The following ZFYVE9 variants were observed in gnomAD, a reference collection of about 807,000 sequenced individuals.
ZFYVE9 encodes the protein zinc finger FYVE-type containing 9.
A neutral mutation model predicts 126.7 loss-of-function variants in ZFYVE9; 43 were observed. The observed-to-expected ratio is 0.34, with a 90% CI of 0.27 to 0.44. The LOEUF is 0.44. Ranked by LOEUF, ZFYVE9 falls within the 20% of genes least tolerant of loss-of-function variation. The pLI, the probability that ZFYVE9 is intolerant of heterozygous loss-of-function variation, is 1.00. For synonymous variants in ZFYVE9, 521 were observed against 597.4 expected, an observed-to-expected ratio of 0.87 and a Z score of 1.87; for missense variants, 1,476 against 1,697.0, an observed-to-expected ratio of 0.87 and a Z score of 2.29.
At chr1:52,264,094 T>TAC in intron 5 of ZFYVE9, 1 of 292,766 alleles carries the variant, frequency 3.4e-6, no homozygotes, top group South Asian at 9.6e-5. Context: ...GCCAGGTAAG[T>TAC]TTTGCAGGAA....
chr1:52,158,885 C>T (rs1027248170), intron 1 of ZFYVE9, among the ~76,000 whole-genome samples: 8 of 151,984 alleles, frequency 5.3e-5, no homozygotes, highest in Non-Finnish European at 1.0e-4. Flanking sequence ...CTCCGCCTCC[C>T]AGGTTCACGC....
At chr1:52,295,129 AC>A (rs1178162758) in intron 11 of ZFYVE9, among the ~76,000 whole-genome samples, 1 of 151,294 alleles carries the variant, frequency 6.6e-6, no homozygotes, top group Non-Finnish European at 1.5e-5. Context: ...AATCGCTTGA[AC>A]CCTCCTAAGG....
At chr1:52,173,522 G>GA (rs1644592783) in intron 1 of ZFYVE9, among the ~76,000 whole-genome samples, 1 of 152,192 alleles carries the variant, frequency 6.6e-6, no homozygotes, top group South Asian at 2.1e-4. Context: ...CTCATAAAAT[G>GA]AGTTAGGGAG....
intron 1 of ZFYVE9, chr1:52,162,599 A>C (rs1464152429): frequency 3.9e-6 from 1 of 259,010 alleles, no homozygotes; most frequent in Non-Finnish European, 8.1e-6. Flanking sequence ...TCAAAGGTCC[A>C]TATCAAGAAC....
At chr1:52,226,010 C>T (rs150290401) in intron 2 of ZFYVE9, among the ~76,000 whole-genome samples, 1,874 of 152,166 alleles carry the variant, frequency 0.012, 34 homozygotes, top group African/African-American at 0.043. Flanking sequence ...GTGGATGCGC[C>T]GGATTTTATA....
At chr1:52,344,219 CTA>C (rs1646465038) in intron 17 of ZFYVE9, among the ~76,000 whole-genome samples, 1 of 152,212 alleles carries the variant, frequency 6.6e-6, no homozygotes, top group South Asian at 2.1e-4. Context: ...GTTCCCGCCT[CTA>C]TAGTGGCAGG....
At chr1:52,275,888 T>G (rs972408805) in intron 8 of ZFYVE9, among the ~76,000 whole-genome samples, 1 of 151,828 alleles carries the variant, frequency 6.6e-6, no homozygotes, top group African/African-American at 2.4e-5. Flanking sequence ...TGTAAATTAC[T>G]TACCTTAGCA....
At chr1:52,277,492 G>T (rs1205984256) in intron 8 of ZFYVE9, among the ~76,000 whole-genome samples, 2 of 151,932 alleles carry the variant, frequency 1.3e-5, no homozygotes, top group Non-Finnish European at 2.9e-5. Context: ...TTTTATTCCA[G>T]TGGGATGACT....
Position 52,293,616 on chromosome 1 carries a change from A to G in ZFYVE9, c.3189A>G (p.Glu1063=). ...YLFGILIQKW[E]TPWAKVFPIR... ...TTGGGATTCTTATCCAGAAATGGGA[A>G]ACTCCTTGGGCTAAAGTATTTCCTA... Residue 1063 remains glutamate, a synonymous_variant, in exon 11 of 19, where the codon GAA becomes GAG. Transcript: ENST00000287727. The G allele has an allele frequency of 6.2e-7, 1 of 1,614,112 alleles. No individual in the cohort carries two copies. The highest frequency in any genetic ancestry group is 8.5e-7 in the Non-Finnish European group (1 of 1,180,014).
At chr1:52,157,728 C>T (rs484186) in intron 1 of ZFYVE9, among the ~76,000 whole-genome samples, 2,004 of 152,174 alleles carry the variant, frequency 0.013, 40 homozygotes, top group African/African-American at 0.046. Flanking sequence ...TCTTAACTAT[C>T]TCCACAGCTC....
intron 1 of ZFYVE9, among the ~76,000 whole-genome samples, chr1:52,170,437 TTTTCA>T (rs1644556504): frequency 6.6e-6 from 1 of 152,134 alleles, no homozygotes; most frequent in South Asian, 2.1e-4. Flanking sequence ...TTTTGTATTG[TTTTCA>T]TTTCAAATTC....
intron 1 of ZFYVE9, among the ~76,000 whole-genome samples, chr1:52,188,089 A>G (rs1390640703): frequency 2.0e-5 from 3 of 152,254 alleles, no homozygotes; most frequent in Admixed American, 6.5e-5. Flanking sequence ...ATGCCTATCA[A>G]TGGCATATTG....
chr1:52,173,328 G>A (rs1644591155), intron 1 of ZFYVE9, among the ~76,000 whole-genome samples: 2 of 152,054 alleles, frequency 1.3e-5, no homozygotes, highest in African/African-American at 2.4e-5. Flanking sequence ...ATATTGAACT[G>A]GTCTTGCATC....
intron 17 of ZFYVE9, among the ~76,000 whole-genome samples, chr1:52,340,869 C>G (rs1196558365): frequency 6.8e-6 from 1 of 147,956 alleles, no homozygotes. Flanking sequence ...CCACTGCACT[C>G]CATCCAGCCT....
intron 2 of ZFYVE9, among the ~76,000 whole-genome samples, chr1:52,223,775 G>A (rs1394541122): frequency 6.6e-6 from 1 of 151,970 alleles, no homozygotes; most frequent in African/African-American, 2.4e-5. Flanking sequence ...TTCTCAGTGG[G>A]CTTCATTATT....
chr1:52,151,632 C>T (rs1004775371), intron 1 of ZFYVE9, among the ~76,000 whole-genome samples: 3 of 151,804 alleles, frequency 2.0e-5, no homozygotes, highest in Admixed American at 6.6e-5. Flanking sequence ...TCTCCTGCCT[C>T]AGCCTCCCGA....
chr1:52,211,659 G>A (rs1426068062), intron 1 of ZFYVE9, among the ~76,000 whole-genome samples: 1 of 152,120 alleles, frequency 6.6e-6, no homozygotes, highest in African/African-American at 2.4e-5. Flanking sequence ...TGTCAACACT[G>A]CGAGACCCCA....
At chr1:52,326,071 T>C (rs1481308951) in intron 13 of ZFYVE9, among the ~76,000 whole-genome samples, 1 of 152,242 alleles carries the variant, frequency 6.6e-6, no homozygotes, top group Non-Finnish European at 1.5e-5. Flanking sequence ...GAGATAATGC[T>C]CCTGTAGCAT....
At chr1:52,284,587 T>G (rs1645839482) in intron 10 of ZFYVE9, among the ~76,000 whole-genome samples, 1 of 151,946 alleles carries the variant, frequency 6.6e-6, no homozygotes, top group African/African-American at 2.4e-5. Flanking sequence ...GCCTGGCTAA[T>G]TTTTTGTATT....
Sources: allele counts gnomAD v4.1 joint callset (sites outside exome capture counted in the v4.1 genomes callset), GRCh38; gene constraint gnomAD v4.1.1; transcripts MANE v1.5; gene names NCBI Gene and HGNC (gene_info 2026-07-23, HGNC 2026-07-21).